Variants in SLC24A2 observed in about 807,000 individuals in gnomAD.
SLC24A2 encodes the protein solute carrier family 24 member 2, also known as sodium/potassium/calcium exchanger 2.
In SLC24A2, 36 loss-of-function variants were observed where a neutral mutation model predicts 62.0. That is an observed-to-expected ratio of 0.58 (90% confidence interval 0.44 to 0.77). The LOEUF (loss-of-function observed/expected upper bound fraction) is 0.77. Ranked by LOEUF, SLC24A2 falls within the 30% of genes least tolerant of loss-of-function variation. The pLI is 0.00. For synonymous variants in SLC24A2, 358 were observed against 294.0 expected (o/e 1.22, Z -2.23); for missense variants, 846 against 817.9 (o/e 1.03, Z -0.42).
At chr9:20,145,790 T>C in the SLC24A2 span, among the ~76,000 whole-genome samples, 1 of 152,022 alleles carries the variant, frequency 6.6e-6, no homozygotes, top group African/African-American at 2.4e-5. Context: ...TATATGTATA[T>C]GTGTATATGC....
intron 2 of SLC24A2, among the ~76,000 whole-genome samples, chr9:19,643,549 G>A (rs769200758): frequency 1.3e-5 from 2 of 152,158 alleles, no homozygotes; most frequent in Admixed American, 1.3e-4. Flanking sequence ...TAATCCAGAC[G>A]TGTCAGATGA....
the SLC24A2 span, among the ~76,000 whole-genome samples, chr9:20,067,023 T>A: frequency 6.6e-6 from 1 of 152,126 alleles, no homozygotes; most frequent in African/African-American, 2.4e-5. Context: ...AACAGGAAAA[T>A]GTTTACAGTT....
chr9:19,923,003 A>G, the SLC24A2 span, among the ~76,000 whole-genome samples: 115 of 149,590 alleles, frequency 7.7e-4, no homozygotes, highest in African/African-American at 2.7e-3. Flanking sequence ...TTATATATTT[A>G]TATATATAAA....
At chr9:20,049,332 G>C in the SLC24A2 span, among the ~76,000 whole-genome samples, 1 of 152,172 alleles carries the variant, frequency 6.6e-6, no homozygotes, top group Non-Finnish European at 1.5e-5. Flanking sequence ...TCCACTGAGT[G>C]AGCGCATTAA....
At chr9:20,038,529 G>C in the SLC24A2 span, among the ~76,000 whole-genome samples, 6 of 149,856 alleles carry the variant, frequency 4.0e-5, no homozygotes. Flanking sequence ...ACACACTGCA[G>C]AAATGCTGAG....
the SLC24A2 span, among the ~76,000 whole-genome samples, chr9:20,245,330 AG>A: frequency 6.6e-6 from 1 of 152,244 alleles, no homozygotes; most frequent in South Asian, 2.1e-4. Flanking sequence ...GACTGTATCA[AG>A]GAAACCTACA....
At chr9:19,820,487 C>A in the SLC24A2 span, among the ~76,000 whole-genome samples, 23 of 150,190 alleles carry the variant, frequency 1.5e-4, no homozygotes, top group African/African-American at 5.6e-4. Context: ...ACTCATGTAA[C>A]CAAATACCAC....
intron 2 of SLC24A2, among the ~76,000 whole-genome samples, chr9:19,773,834 T>A (rs1822763353): frequency 6.6e-6 from 1 of 152,110 alleles, no homozygotes. Context: ...AGTGAACACA[T>A]TTATAGGGTG....
At chr9:20,013,066 T>C in the SLC24A2 span, among the ~76,000 whole-genome samples, 21 of 152,196 alleles carry the variant, frequency 1.4e-4, no homozygotes, top group Admixed American at 3.9e-4. Context: ...CTAAATCCAT[T>C]TGAAACCACA....
chr9:19,839,741 A>G, the SLC24A2 span, among the ~76,000 whole-genome samples: 1 of 152,218 alleles, frequency 6.6e-6, no homozygotes, highest in Non-Finnish European at 1.5e-5. Context: ...AAATTATAGT[A>G]GTAATGAGCT....
chr9:20,085,126 G>T, the SLC24A2 span, among the ~76,000 whole-genome samples: 3 of 152,170 alleles, frequency 2.0e-5, no homozygotes, highest in South Asian at 2.1e-4. Context: ...CTCCAGAGTA[G>T]CTGGGACTAC....
intron 6 of SLC24A2, 54 bp from the exon 7 acceptor site, chr9:19,573,523 CACACACAGAGAGAGAG>C (rs1176780325): frequency 3.4e-5 from 12 of 352,236 alleles, no homozygotes; most frequent in African/African-American, 2.6e-4. Context: ...CACACACACA[CACACACAGAGAGAGAG>C]AGAGAGAGAG....
At chr9:20,201,804 G>A in the SLC24A2 span, among the ~76,000 whole-genome samples, 209 of 152,172 alleles carry the variant, frequency 1.4e-3, no homozygotes, top group African/African-American at 4.1e-3. Flanking sequence ...ATTTCATTCC[G>A]TCTCCCTGTG....
chr9:19,840,226 T>C, the SLC24A2 span, among the ~76,000 whole-genome samples: 3 of 152,164 alleles, frequency 2.0e-5, no homozygotes, highest in Non-Finnish European at 4.4e-5. Flanking sequence ...TCTTTAAAAG[T>C]AATGGAGGTA....
intron 2 of SLC24A2, among the ~76,000 whole-genome samples, chr9:19,756,125 T>A (rs1564082576): frequency 6.6e-6 from 1 of 152,188 alleles, no homozygotes; most frequent in Non-Finnish European, 1.5e-5. Context: ...TGTCCAGCAA[T>A]AACCTTCAAA....
At chr9:19,940,965 G>T in the SLC24A2 span, among the ~76,000 whole-genome samples, 2 of 152,170 alleles carry the variant, frequency 1.3e-5, no homozygotes, top group African/African-American at 4.8e-5. Context: ...TATTATGTGG[G>T]CAGAAGATGC....
intron 7 of SLC24A2, among the ~76,000 whole-genome samples, chr9:19,567,185 AAG>A (rs1322884275): frequency 4.7e-5 from 7 of 150,158 alleles, no homozygotes; most frequent in Admixed American, 2.6e-4. Context: ...AAAAAAAAAA[AAG>A]AAAATCTGCT....
At chr9:19,650,226 A>G (rs1449313007) in intron 2 of SLC24A2, among the ~76,000 whole-genome samples, 1 of 152,236 alleles carries the variant, frequency 6.6e-6, no homozygotes, top group Non-Finnish European at 1.5e-5. Context: ...GTAAGAAACC[A>G]AAGATGTAAT....
chr9:20,001,441 C>T, the SLC24A2 span, among the ~76,000 whole-genome samples: 1 of 152,208 alleles, frequency 6.6e-6, no homozygotes, highest in African/African-American at 2.4e-5. Flanking sequence ...ATTAATTTTC[C>T]TTTGCTGCTT....
Sources: gnomAD v4.1 joint callset for allele counts (sites outside exome capture counted in the v4.1 genomes callset) on GRCh38, gnomAD v4.1.1 for gene constraint, MANE v1.5 for transcripts, NCBI Gene and HGNC (gene_info 2026-07-23, HGNC 2026-07-21) for gene names.